STRBP: variants seen among roughly 807,000 people sequenced by gnomAD.
STRBP encodes spermatid perinuclear RNA binding protein, also known as spermatid perinuclear RNA-binding protein.
A neutral mutation model predicts 80.1 loss-of-function variants in STRBP; 13 were observed. The observed-to-expected ratio is 0.16, with a 90% CI of 0.11 to 0.26. The LOEUF is 0.26. Among genes scored for constraint, STRBP ranks in the 10% least tolerant of loss-of-function variants. The probability of loss-of-function intolerance (pLI) is 1.00; values close to 1 mark genes in which losing one functional copy is unlikely to be tolerated. For missense variants in STRBP, 485 were observed against 815.2 expected, an observed-to-expected ratio of 0.59 and a Z score of 4.93; for synonymous variants, 284 against 291.2, an observed-to-expected ratio of 0.98 and a Z score of 0.25.
At chr9:123,258,596 A>G (rs570981630) in intron 1 of STRBP, among the ~76,000 whole-genome samples, 93 of 152,144 alleles carry the variant, frequency 6.1e-4, no homozygotes, top group African/African-American at 2.1e-3. Context: ...GAGGTCAGGA[A>G]ATCGAGACCA....
intron 1 of STRBP, among the ~76,000 whole-genome samples, chr9:123,264,011 C>G (rs1001652326): frequency 2.0e-5 from 3 of 152,204 alleles, no homozygotes; most frequent in Non-Finnish European, 4.4e-5. Flanking sequence ...AACCCCGCCT[C>G]TACTAAAAAT....
chr9:123,214,941 C>T (rs1386017016), intron 2 of STRBP, among the ~76,000 whole-genome samples: 1 of 152,180 alleles, frequency 6.6e-6, no homozygotes, highest in African/African-American at 2.4e-5. Flanking sequence ...CTGGTGTCCA[C>T]ATTTTTGCTC....
intron 4 of STRBP, among the ~76,000 whole-genome samples, chr9:123,177,459 GCTATT>G (rs1008762826): frequency 6.6e-6 from 1 of 152,010 alleles, no homozygotes; most frequent in African/African-American, 2.4e-5. Flanking sequence ...TATAGTCCTA[GCTATT>G]CAAGAGGCTG....
At chr9:123,133,889 A>G (rs995143689) in intron 16 of STRBP, among the ~76,000 whole-genome samples, 1 of 152,136 alleles carries the variant, frequency 6.6e-6, no homozygotes, top group African/African-American at 2.4e-5. Flanking sequence ...TTCTTTCTCT[A>G]AAATGCCATA....
chr9:123,258,600 G>A (rs564759635), intron 1 of STRBP, among the ~76,000 whole-genome samples: 4 of 152,122 alleles, frequency 2.6e-5, no homozygotes, highest in African/African-American at 7.2e-5. Flanking sequence ...TCAGGAAATC[G>A]AGACCATCCT....
chr9:123,221,503 T>G (rs2040066546), intron 2 of STRBP, among the ~76,000 whole-genome samples: 1 of 152,188 alleles, frequency 6.6e-6, no homozygotes, highest in Admixed American at 6.5e-5. Flanking sequence ...AACAGGAAAA[T>G]TAAAAGACTA....
chr9:123,253,065 T>C (rs2040949667), intron 1 of STRBP, among the ~76,000 whole-genome samples: 2 of 152,214 alleles, frequency 1.3e-5, no homozygotes, highest in African/African-American at 2.4e-5. Flanking sequence ...TTCACTGGAA[T>C]TGAATCACCA....
chr9:123,202,586 A>G (rs527355189), intron 2 of STRBP, among the ~76,000 whole-genome samples: 18 of 152,170 alleles, frequency 1.2e-4, no homozygotes, highest in Non-Finnish European at 2.4e-4. Flanking sequence ...TGTTACTTTG[A>G]TAGGTTTTCC....
At chr9:123,127,023 C>T (rs1039305757) in intron 18 of STRBP, among the ~76,000 whole-genome samples, 1 of 152,188 alleles carries the variant, frequency 6.6e-6, no homozygotes, top group Admixed American at 6.5e-5. Context: ...CTTGACCACA[C>T]CCGAGTGTGC....
intron 1 of STRBP, among the ~76,000 whole-genome samples, chr9:123,237,399 C>A (rs1381651531): frequency 6.6e-6 from 1 of 152,082 alleles, no homozygotes; most frequent in Non-Finnish European, 1.5e-5. Context: ...TACAGAATGA[C>A]ACCTTACCTC....
chr9:123,177,181 A>G (rs1453252948), intron 4 of STRBP, among the ~76,000 whole-genome samples: 1 of 152,156 alleles, frequency 6.6e-6, no homozygotes, highest in Non-Finnish European at 1.5e-5. Context: ...GTTCCACCAC[A>G]TGGGAAGGAT....
At chr9:123,218,417 C>A (rs904029021) in intron 2 of STRBP, among the ~76,000 whole-genome samples, 1 of 135,886 alleles carries the variant, frequency 7.4e-6, no homozygotes, top group Non-Finnish European at 1.5e-5. Context: ...GGCCGGACTG[C>A]GGACTGCAGT....
rs2037938378 is a variant in STRBP at position 123,169,959 on chromosome 9, A to T, written c.478T>A (p.Leu160Met). The part of the protein sequence containing the change: ...IRNTKEPTLT[L>M]KVILTSPLIR... ...AGAGGTGAGGTAAGTATCACCTTCA[A>T]AGTTAGCGTGGGCTCTTTTGTATTC... is the stretch of plus-strand genomic sequence containing the variant. The change falls in exon 6 of 19, where the codon TTG becomes ATG. Residue 160 changes from leucine (L) to methionine (M), a missense_variant. Leu to Met is a conservative substitution (Grantham distance 15). This residue lies in a region of STRBP where 377 missense variants were observed against 616.1 expected (regional missense o/e 0.61). Transcript: ENST00000348403. 6.2e-7 allele frequency: 1 copy of T among 1,608,664 alleles called. No individual in the cohort carries two copies. The highest frequency in any genetic ancestry group is 8.5e-7 in the Non-Finnish European group (1 of 1,178,258).
In STRBP at chr9:123,139,600, T is replaced by C; in HGVS notation, c.1426A>G (p.Asn476Asp). The change falls in exon 14 of 19, where the codon AAT becomes GAT. Residue 476 changes from asparagine (N) to aspartate (D), a missense_variant. Around this residue, in one of 3 missense-constraint regions of STRBP, gnomAD observed 377 missense variants for 616.1 expected, o/e 0.61. Transcript: ENST00000348403. ...SDEKSDNESKNETVSSNSSNN... is the reference protein window; with the variant it reads ...SDEKSDNESKDETVSSNSSNN... ...CTTGAGTTTGAAGACACTGTTTCAT[T>C]TTTACTTTCATTATCTGATTTTTCA... 2.5e-6 allele frequency: 4 copies of C among 1,613,226 alleles called. No homozygotes were observed. The highest frequency in any genetic ancestry group is 3.4e-6 in the Non-Finnish European group (4 of 1,179,864).
chr9:123,177,406 A>T (rs997086406), intron 4 of STRBP, among the ~76,000 whole-genome samples: 2 of 152,006 alleles, frequency 1.3e-5, no homozygotes, highest in Non-Finnish European at 2.9e-5. Context: ...TCTCCAAACG[A>T]AATTCTTTTT....
chr9:123,241,304 C>G (rs1243758255), intron 1 of STRBP, among the ~76,000 whole-genome samples: 1 of 152,046 alleles, frequency 6.6e-6, no homozygotes, highest in Non-Finnish European at 1.5e-5. Context: ...AAGTTCAAGA[C>G]TAGCCTGGGC....
At chr9:123,250,846 A>T (rs1232943465) in intron 1 of STRBP, among the ~76,000 whole-genome samples, 1 of 152,218 alleles carries the variant, frequency 6.6e-6, no homozygotes, top group Non-Finnish European at 1.5e-5. Flanking sequence ...GGCTGGCTAC[A>T]GTGGCTCACA....
intron 1 of STRBP, among the ~76,000 whole-genome samples, chr9:123,263,982 G>A (rs1191495859): frequency 6.6e-6 from 1 of 152,260 alleles, no homozygotes; most frequent in South Asian, 2.1e-4. Context: ...GATCGAGACC[G>A]TCCTGGCCAA....
At chr9:123,144,644 T>C (rs753403003) in intron 13 of STRBP, among the ~76,000 whole-genome samples, 1 of 151,816 alleles carries the variant, frequency 6.6e-6, no homozygotes, top group East Asian at 1.9e-4. Flanking sequence ...GAACTATGAA[T>C]TTTTTCCCCT....
Sources: gnomAD v4.1 joint callset for allele counts (sites outside exome capture counted in the v4.1 genomes callset) on GRCh38, gnomAD v4.1.1 for gene constraint, gnomAD v4.1.1 regional missense constraint, MANE v1.5 for transcripts, NCBI Gene and HGNC (gene_info 2026-07-23, HGNC 2026-07-21) for gene names.